Variants in FHIT observed in about 807,000 individuals in gnomAD.
FHIT encodes bis(5'-adenosyl)-triphosphatase.
In FHIT, 19 loss-of-function variants were observed where a neutral mutation model predicts 17.9. That is an observed-to-expected ratio of 1.06 (90% CI 0.74 to 1.56). The LOEUF (loss-of-function observed/expected upper bound fraction) is 1.56, where lower values mean the gene tolerates loss of function less well. Ranked by LOEUF, FHIT falls within the 40% of genes most tolerant of loss-of-function variation. The pLI is 0.00. For missense variants in FHIT, 248 were observed against 189.2 expected, an observed-to-expected ratio of 1.31 and a Z score of -1.82; for synonymous variants, 81 against 69.7, an observed-to-expected ratio of 1.16 and a Z score of -0.81.
chr3:61,000,815 T>C (rs1285337834), intron 3 of FHIT, among the ~76,000 whole-genome samples: 1 of 151,934 alleles, frequency 6.6e-6, no homozygotes, highest in African/African-American at 2.4e-5. Context: ...AGTAAAGAAG[T>C]CCAGTAGAGA....
In FHIT at chr3:60,014,088, G is replaced by C; in HGVS notation, c.168C>G (p.Ala56=). ...CTCTCTGGGTCGTCTGAAACAAATC[G>C]GCCACTTCATCAGGACGCAGGTCAT... ...RFHDLRPDEV[A]DLFQTTQRVG... Residue 56 remains alanine, a synonymous_variant, in exon 6 of 10, where the codon GCC becomes GCG. Transcript: ENST00000492590. 1.2e-6 allele frequency: 2 copies of C among 1,613,916 alleles called. No individual in the cohort carries two copies. Among genetic ancestry groups the C allele is most frequent in the Non-Finnish European group, 1.7e-6 (2 of 1,179,954 alleles).
chr3:60,923,644 C>T (rs548835012), intron 3 of FHIT, among the ~76,000 whole-genome samples: 154 of 152,220 alleles, frequency 1.0e-3, no homozygotes, highest in Non-Finnish European at 1.1e-3. Flanking sequence ...ATGCAGAAGA[C>T]GGGTGATTTC....
chr3:60,952,179 C>CCCCCA (rs1491234247), intron 3 of FHIT, among the ~76,000 whole-genome samples: 1 of 103,282 alleles, frequency 9.7e-6, no homozygotes, highest in African/African-American at 3.4e-5. Flanking sequence ...ACCCCCCCCC[C>CCCCCA]AAAAAAAAAA....
intron 5 of FHIT, among the ~76,000 whole-genome samples, chr3:60,099,285 AAATGG>A (rs1704094555): frequency 6.6e-6 from 1 of 152,208 alleles, no homozygotes; most frequent in Non-Finnish European, 1.5e-5. Flanking sequence ...AATGATTCAC[AAATGG>A]AATGGGATGG....
At chr3:60,604,290 G>C (rs2038538422) in intron 4 of FHIT, among the ~76,000 whole-genome samples, 1 of 152,156 alleles carries the variant, frequency 6.6e-6, no homozygotes, top group Non-Finnish European at 1.5e-5. Context: ...ATCCAGGGTA[G>C]AGCAGGACTC....
At chr3:60,228,908 TGA>T (rs1174445195) in intron 5 of FHIT, among the ~76,000 whole-genome samples, 3 of 152,162 alleles carry the variant, frequency 2.0e-5, no homozygotes, top group Non-Finnish European at 4.4e-5. Flanking sequence ...AGAACATTAC[TGA>T]TTTTAGAGAT....
At chr3:60,740,854 G>A (rs2042225825) in intron 4 of FHIT, among the ~76,000 whole-genome samples, 1 of 152,166 alleles carries the variant, frequency 6.6e-6, no homozygotes, top group Non-Finnish European at 1.5e-5. Flanking sequence ...GCCACTTGGG[G>A]TTATGTTGAT....
At chr3:60,446,727 C>G (rs962677489) in intron 5 of FHIT, among the ~76,000 whole-genome samples, 2 of 151,962 alleles carry the variant, frequency 1.3e-5, no homozygotes, top group African/African-American at 4.8e-5. Context: ...CTCATGCACA[C>G]TTATAGTACA....
chr3:60,179,608 T>G (rs991596051), intron 5 of FHIT, among the ~76,000 whole-genome samples: 1 of 152,208 alleles, frequency 6.6e-6, no homozygotes, highest in African/African-American at 2.4e-5. Context: ...ACAGGAAAAC[T>G]TATAAGAAAT....
At chr3:60,506,567 T>C (rs13316872) in intron 5 of FHIT, among the ~76,000 whole-genome samples, 36,410 of 152,088 alleles carry the variant, frequency 0.24, 4,899 homozygotes, top group Non-Finnish European at 0.3. Flanking sequence ...ACTACTTTGC[T>C]TTACTGATTT....
intron 5 of FHIT, among the ~76,000 whole-genome samples, chr3:60,047,434 A>T (rs1416913794): frequency 2.6e-5 from 4 of 152,216 alleles, no homozygotes; most frequent in African/African-American, 9.6e-5. Context: ...AATCATGTTC[A>T]ACTTCAAAAG....
At chr3:59,961,734 G>A (rs1707695164) in intron 7 of FHIT, among the ~76,000 whole-genome samples, 1 of 152,172 alleles carries the variant, frequency 6.6e-6, no homozygotes, top group African/African-American at 2.4e-5. Flanking sequence ...CGCCCCCTGT[G>A]GGCTGCACCC....
chr3:60,551,732 T>A (rs914876588), intron 4 of FHIT, among the ~76,000 whole-genome samples: 4 of 149,814 alleles, frequency 2.7e-5, no homozygotes, highest in Non-Finnish European at 4.4e-5. Flanking sequence ...CACTCTAGCC[T>A]GGGTGACATA....
intron 8 of FHIT, among the ~76,000 whole-genome samples, chr3:59,808,100 C>A (rs777073794): frequency 6.6e-6 from 1 of 152,182 alleles, no homozygotes; most frequent in Admixed American, 6.5e-5. Context: ...CCTACCCCCC[C>A]AGTCCCTGGC....
chr3:60,052,528 T>C (rs554234643), intron 5 of FHIT, among the ~76,000 whole-genome samples: 1 of 152,078 alleles, frequency 6.6e-6, no homozygotes, highest in East Asian at 1.9e-4. Context: ...CTGAAAACAG[T>C]AGGAGGGAAA....
chr3:60,379,943 T>C (rs1042829999), intron 5 of FHIT, among the ~76,000 whole-genome samples: 4 of 152,206 alleles, frequency 2.6e-5, no homozygotes, highest in Non-Finnish European at 4.4e-5. Context: ...GTTTAACATA[T>C]AACCTTTAAG....
intron 4 of FHIT, among the ~76,000 whole-genome samples, chr3:60,558,567 G>C (rs1239301196): frequency 2.0e-5 from 3 of 152,074 alleles, no homozygotes; most frequent in East Asian, 3.9e-4. Context: ...GCACAGTCCA[G>C]AAAGAACATT....
At chr3:61,205,729 G>A (rs2039206311) in intron 1 of FHIT, among the ~76,000 whole-genome samples, 1 of 152,176 alleles carries the variant, frequency 6.6e-6, no homozygotes, top group East Asian at 1.9e-4. Flanking sequence ...CCCTTTGTCA[G>A]ATGAGTAGAT....
chr3:60,631,914 T>C (rs1169300121), intron 4 of FHIT, among the ~76,000 whole-genome samples: 1 of 152,166 alleles, frequency 6.6e-6, no homozygotes, highest in East Asian at 1.9e-4. Flanking sequence ...CTGTTGTTTG[T>C]ACCACACAGC....
Sources: allele counts gnomAD v4.1 joint callset (sites outside exome capture counted in the v4.1 genomes callset), GRCh38; gene constraint gnomAD v4.1.1; transcripts MANE v1.5; gene names NCBI Gene and HGNC (gene_info 2026-07-23, HGNC 2026-07-21).